PTPRD: variants seen among roughly 807,000 people sequenced by gnomAD.
The protein encoded by PTPRD is protein tyrosine phosphatase receptor type D.
A neutral mutation model predicts 214.5 loss-of-function variants in PTPRD; 34 were observed. That is an observed-to-expected ratio of 0.16 (90% CI 0.12 to 0.21). The LOEUF (loss-of-function observed/expected upper bound fraction) is 0.21. Ranked by LOEUF, PTPRD falls within the 10% of genes least tolerant of loss-of-function variation. The pLI, the probability that PTPRD is intolerant of heterozygous loss-of-function variation, is 1.00. For missense variants in PTPRD, 2,545 were observed against 2,398.7 expected, an observed-to-expected ratio of 1.06 and a Z score of -1.27; for synonymous variants, 1,128 against 845.7, an observed-to-expected ratio of 1.33 and a Z score of -5.79.
At chr9:8,660,811 A>C (rs555735965) in intron 12 of PTPRD, among the ~76,000 whole-genome samples, 15 of 152,268 alleles carry the variant, frequency 9.9e-5, no homozygotes, top group African/African-American at 3.6e-4. Flanking sequence ...TACCTTTTTA[A>C]ATTTCATTCC....
At chr9:9,692,211 C>A (rs2097285977) in intron 7 of PTPRD, among the ~76,000 whole-genome samples, 1 of 151,168 alleles carries the variant, frequency 6.6e-6, no homozygotes, top group Non-Finnish European at 1.5e-5. Context: ...GAACAATGTG[C>A]TGGAGAGTTT....
chr9:9,275,141 A>G (rs1273211770), intron 9 of PTPRD, among the ~76,000 whole-genome samples: 2 of 66,980 alleles, frequency 3.0e-5, no homozygotes, highest in African/African-American at 7.2e-5. Context: ...TATATAATAT[A>G]TATATAATAT....
chr9:9,634,402 G>A (rs1242075199), intron 7 of PTPRD, among the ~76,000 whole-genome samples: 2 of 152,094 alleles, frequency 1.3e-5, no homozygotes, highest in South Asian at 2.1e-4. Context: ...AAATATCAGT[G>A]CAACTAGAAG....
chr9:9,902,869 C>G (rs1012053635), intron 5 of PTPRD, among the ~76,000 whole-genome samples: 1 of 152,076 alleles, frequency 6.6e-6, no homozygotes, highest in Non-Finnish European at 1.5e-5. Context: ...AGCAAATTTT[C>G]AACACACAGC....
At chr9:8,950,041 G>A (rs1442088985) in intron 11 of PTPRD, among the ~76,000 whole-genome samples, 2 of 152,180 alleles carry the variant, frequency 1.3e-5, no homozygotes, top group African/African-American at 4.8e-5. Flanking sequence ...TTCATCAATC[G>A]TGTTGCAATT....
At chr9:10,070,782 C>T (rs2097992952) in intron 3 of PTPRD, among the ~76,000 whole-genome samples, 1 of 151,860 alleles carries the variant, frequency 6.6e-6, no homozygotes, top group Admixed American at 6.6e-5. Context: ...GTGTAAGACT[C>T]TCCACCGGCC....
intron 7 of PTPRD, among the ~76,000 whole-genome samples, chr9:9,596,134 C>T (rs1304875282): frequency 4.6e-5 from 7 of 151,762 alleles, no homozygotes; most frequent in Non-Finnish European, 8.8e-5. Flanking sequence ...CATGGATACA[C>T]TATTTATCAT....
At chr9:9,297,694 T>G (rs1953624451) in intron 9 of PTPRD, among the ~76,000 whole-genome samples, 1 of 151,594 alleles carries the variant, frequency 6.6e-6, no homozygotes, top group Admixed American at 6.6e-5. Flanking sequence ...AATCCAACAT[T>G]GATGGTTGGT....
At chr9:9,687,499 A>G (rs921637438) in intron 7 of PTPRD, among the ~76,000 whole-genome samples, 1 of 151,208 alleles carries the variant, frequency 6.6e-6, no homozygotes, top group East Asian at 2.0e-4. Flanking sequence ...AGTCCTCAGG[A>G]AACTGAAAAA....
chr9:9,275,124 TA>T (rs1403193979), intron 9 of PTPRD, among the ~76,000 whole-genome samples: 1 of 58,866 alleles, frequency 1.7e-5, no homozygotes, highest in Non-Finnish European at 3.0e-5. Context: ...ATATATTATA[TA>T]TATTATATAT....
At position 10,329,355 on chromosome 9, in the gene PTPRD, AT is replaced by A. The variant is rs568134510; in HGVS notation, c.-545+11607del. On this transcript the variant is annotated intron_variant, in intron 3 of 45. Coordinates refer to ENST00000381196, the MANE Select transcript of PTPRD (RefSeq NM_002839.4). The stretch of plus-strand genomic sequence containing the variant: ...GAAAGCGAACTGGGAATTAAAATAT[AT>A]TTTTTAATGTGCATGTTCTAAGGGA... Among the ~76,000 whole-genome samples, 41 of 151,936 alleles carry A rather than the reference AT, an allele frequency of 2.7e-4. No homozygotes were observed. The East Asian group carries it at 8.0e-3, about 30-fold the overall frequency.
chr9:8,748,163 A>G (rs1319870149), intron 11 of PTPRD, among the ~76,000 whole-genome samples: 2 of 152,114 alleles, frequency 1.3e-5, no homozygotes, highest in African/African-American at 4.8e-5. Context: ...AACCTCCCCA[A>G]CAGCACTTGG....
At chr9:10,177,097 G>C (rs962150479) in intron 3 of PTPRD, among the ~76,000 whole-genome samples, 37 of 151,842 alleles carry the variant, frequency 2.4e-4, no homozygotes, top group African/African-American at 8.9e-4. Flanking sequence ...AAAAAGAATT[G>C]AGAAAAATAA....
At chr9:9,532,937 A>G (rs2154265597) in intron 8 of PTPRD, among the ~76,000 whole-genome samples, 1 of 152,320 alleles carries the variant, frequency 6.6e-6, no homozygotes, top group Admixed American at 6.5e-5. Context: ...TGGTTTTACC[A>G]CATTCATTCC....
intron 14 of PTPRD, among the ~76,000 whole-genome samples, chr9:8,534,463 A>G (rs1034745420): frequency 6.6e-6 from 1 of 151,910 alleles, no homozygotes; most frequent in African/African-American, 2.4e-5. Context: ...AAGTCACTGG[A>G]TATCTTACGG....
chr9:8,642,641 G>A (rs2096602612), intron 12 of PTPRD, among the ~76,000 whole-genome samples: 1 of 151,594 alleles, frequency 6.6e-6, no homozygotes, highest in South Asian at 2.1e-4. Flanking sequence ...GGGAAATGCA[G>A]TGCATAGCAG....
chr9:8,906,140 C>G (rs896620819), intron 11 of PTPRD, among the ~76,000 whole-genome samples: 6 of 152,132 alleles, frequency 3.9e-5, no homozygotes, highest in Admixed American at 6.5e-5. Context: ...GACCTATGCC[C>G]TGAGTTTGGA....
At chr9:9,596,040 T>C (rs956354868) in intron 7 of PTPRD, among the ~76,000 whole-genome samples, 1 of 152,058 alleles carries the variant, frequency 6.6e-6, no homozygotes, top group Admixed American at 6.6e-5. Flanking sequence ...TGGTTACATA[T>C]GTCCTTATGC....
chr9:8,590,126 G>C (rs978045740), intron 14 of PTPRD, among the ~76,000 whole-genome samples: 3 of 152,038 alleles, frequency 2.0e-5, no homozygotes, highest in African/African-American at 7.2e-5. Flanking sequence ...ATATAGTACA[G>C]TCATAATATG....
Sources: gnomAD v4.1 joint callset for allele counts (sites outside exome capture counted in the v4.1 genomes callset) on GRCh38, gnomAD v4.1.1 for gene constraint, MANE v1.5 for transcripts, NCBI Gene and HGNC (gene_info 2026-07-23, HGNC 2026-07-21) for gene names.